Variants in PLCB1 observed in about 807,000 individuals in gnomAD.
PLCB1 encodes the protein 1-phosphatidylinositol 4,5-bisphosphate phosphodiesterase beta-1.
In PLCB1, 46 loss-of-function variants were observed where a neutral mutation model predicts 161.8. The observed-to-expected ratio is 0.28, with a 90% CI of 0.22 to 0.36. The LOEUF is 0.36. Ranked by LOEUF, PLCB1 falls within the 10% of genes least tolerant of loss-of-function variation. The probability of loss-of-function intolerance (pLI) is 1.00; values close to 1 mark genes in which losing one functional copy is unlikely to be tolerated. For missense variants in PLCB1, 1,016 were observed against 1,472.5 expected (o/e 0.69, Z 5.07); for synonymous variants, 517 against 503.7 (o/e 1.03, Z -0.35).
chr20:8,173,190 T>G (rs1250078814), intron 2 of PLCB1, among the ~76,000 whole-genome samples: 1 of 152,150 alleles, frequency 6.6e-6, no homozygotes, highest in Non-Finnish European at 1.5e-5. Flanking sequence ...TCTTTCTCCA[T>G]GGGTCTGAAA....
intron 2 of PLCB1, among the ~76,000 whole-genome samples, chr20:8,284,982 C>T (rs961388037): frequency 4.6e-5 from 7 of 151,160 alleles, no homozygotes; most frequent in African/African-American, 9.8e-5. Flanking sequence ...TTTATGTGCT[C>T]GTTTTCTAAT....
At chr20:8,322,433 G>A (rs1214228158) in intron 2 of PLCB1, among the ~76,000 whole-genome samples, 1 of 151,710 alleles carries the variant, frequency 6.6e-6, no homozygotes, top group East Asian at 1.9e-4. Context: ...ACAAGGTCAA[G>A]TATTTTATAC....
At chr20:8,439,970 G>A (rs901120436) in intron 3 of PLCB1, among the ~76,000 whole-genome samples, 1 of 152,060 alleles carries the variant, frequency 6.6e-6, no homozygotes, top group Non-Finnish European at 1.5e-5. Flanking sequence ...ATATGTGGAT[G>A]CATGTATATT....
At chr20:8,567,781 G>A (rs933897423) in intron 3 of PLCB1, among the ~76,000 whole-genome samples, 1 of 152,074 alleles carries the variant, frequency 6.6e-6, no homozygotes, top group Non-Finnish European at 1.5e-5. Context: ...TTAGTAGGTG[G>A]TATGTTCCTT....
chr20:8,213,929 T>C (rs998456901), intron 2 of PLCB1, among the ~76,000 whole-genome samples: 34 of 152,052 alleles, frequency 2.2e-4, no homozygotes, highest in African/African-American at 7.2e-4. Flanking sequence ...AACGTCATTT[T>C]CCGACAGGGC....
intron 3 of PLCB1, among the ~76,000 whole-genome samples, chr20:8,564,732 A>G (rs1361090694): frequency 6.6e-6 from 1 of 152,234 alleles, no homozygotes; most frequent in Non-Finnish European, 1.5e-5. Flanking sequence ...TACATATGAA[A>G]AAAAAGCTCA....
intron 11 of PLCB1, 112 bp from the exon 12 acceptor site, chr20:8,708,558 G>A (rs966296610): frequency 5.9e-5 from 40 of 673,848 alleles, no homozygotes; most frequent in Middle Eastern, 7.3e-4. Flanking sequence ...CAGGCCATTC[G>A]ATACAATTCT....
chr20:8,581,354 C>T (rs897922976), intron 3 of PLCB1, among the ~76,000 whole-genome samples: 1 of 152,022 alleles, frequency 6.6e-6, no homozygotes, highest in Non-Finnish European at 1.5e-5. Flanking sequence ...TGGTTATAAC[C>T]AGAAGTGACT....
At chr20:8,788,872 T>C (rs1387036923) in intron 29 of PLCB1, 150 bp downstream of exon 29, 2 of 612,368 alleles carry the variant, frequency 3.3e-6, no homozygotes, top group Non-Finnish European at 5.8e-6. Flanking sequence ...GGTAAGGTTT[T>C]TAACAGGGAA....
intron 2 of PLCB1, among the ~76,000 whole-genome samples, chr20:8,308,357 C>G (rs1984230305): frequency 6.6e-6 from 1 of 151,922 alleles, no homozygotes; most frequent in Non-Finnish European, 1.5e-5. Context: ...TGGCTCATGC[C>G]TGTAATCCCA....
chr20:8,278,735 G>C (rs1982720568), intron 2 of PLCB1, among the ~76,000 whole-genome samples: 1 of 151,968 alleles, frequency 6.6e-6, no homozygotes, highest in African/African-American at 2.4e-5. Context: ...GGTGAAGATT[G>C]GTGTAAACAC....
intron 3 of PLCB1, among the ~76,000 whole-genome samples, chr20:8,406,894 G>A (rs1040292332): frequency 1.3e-5 from 2 of 152,100 alleles, no homozygotes; most frequent in Admixed American, 1.3e-4. Context: ...TGGACAGTGG[G>A]AACTTATAAT....
At chr20:8,834,475 G>C (rs190347538) in intron 31 of PLCB1, among the ~76,000 whole-genome samples, 2 of 152,122 alleles carry the variant, frequency 1.3e-5, no homozygotes, top group East Asian at 3.9e-4. Context: ...ATGGAGGCTG[G>C]CAAGTCCAAA....
intron 4 of PLCB1, among the ~76,000 whole-genome samples, chr20:8,629,827 T>TTCTTTCTG (rs1988483426): frequency 1.4e-5 from 1 of 69,762 alleles, no homozygotes; most frequent in South Asian, 4.0e-4. Context: ...TTTTCTTTCT[T>TTCTTTCTG]TCTTTCTTTC....
chr20:8,247,205 A>G (rs924153339), intron 2 of PLCB1, among the ~76,000 whole-genome samples: 2 of 151,988 alleles, frequency 1.3e-5, no homozygotes, highest in African/African-American at 4.8e-5. Context: ...AAACTGAGGC[A>G]TAGGAAATAT....
At chr20:8,344,037 C>G (rs1985906425) in intron 2 of PLCB1, among the ~76,000 whole-genome samples, 1 of 152,186 alleles carries the variant, frequency 6.6e-6, no homozygotes, top group Non-Finnish European at 1.5e-5. Flanking sequence ...CCTGCTCTGA[C>G]CTAACCTTCA....
intron 2 of PLCB1, among the ~76,000 whole-genome samples, chr20:8,194,437 A>G (rs970652188): frequency 3.9e-5 from 6 of 152,010 alleles, no homozygotes; most frequent in African/African-American, 1.4e-4. Context: ...GTACAGCTGA[A>G]TTTTTAATAT....
intron 23 of PLCB1, among the ~76,000 whole-genome samples, chr20:8,753,983 A>T (rs1034980200): frequency 6.6e-6 from 1 of 152,142 alleles, no homozygotes; most frequent in Non-Finnish European, 1.5e-5. Context: ...CAAGAGTGAC[A>T]CAGTCCACTC....
intron 3 of PLCB1, among the ~76,000 whole-genome samples, chr20:8,395,908 A>G (rs1039611151): frequency 3.9e-5 from 6 of 152,016 alleles, no homozygotes; most frequent in African/African-American, 1.2e-4. Flanking sequence ...TTTTCCCCTG[A>G]TACTTAACTG....
Sources: gnomAD v4.1 joint callset for allele counts (sites outside exome capture counted in the v4.1 genomes callset) on GRCh38, gnomAD v4.1.1 for gene constraint, MANE v1.5 for transcripts, NCBI Gene and HGNC (gene_info 2026-07-23, HGNC 2026-07-21) for gene names.